The following GPC5 variants were observed in gnomAD, a reference collection of about 807,000 sequenced individuals.
GPC5 encodes the protein glypican 5.
GPC5 carries 47 observed loss-of-function variants against 53.9 expected under a neutral mutation model. The ratio of observed to expected loss-of-function variants is 0.87; its 90% CI spans 0.69 to 1.11. The LOEUF (loss-of-function observed/expected upper bound fraction) is 1.11, where lower values mean the gene tolerates loss of function less well. Among genes scored for constraint, GPC5 ranks in the 50% most tolerant of loss-of-function variants. GPC5 has a pLI of 0.00. For missense variants in GPC5, 748 were observed against 713.1 expected (o/e 1.05, Z -0.56); for synonymous variants, 286 against 263.3 (o/e 1.09, Z -0.84).
chr13:91,485,024 TA>T (rs528927454), intron 2 of GPC5, among the ~76,000 whole-genome samples: 7 of 152,040 alleles, frequency 4.6e-5, no homozygotes, highest in African/African-American at 7.2e-5. Context: ...AAATGCAGAA[TA>T]AAAAAAATGC....
chr13:91,935,810 T>G (rs913464345), intron 6 of GPC5, among the ~76,000 whole-genome samples: 1 of 151,982 alleles, frequency 6.6e-6, no homozygotes, highest in Non-Finnish European at 1.5e-5. Flanking sequence ...GTTTTGACCT[T>G]AAAGGATAAG....
chr13:91,405,069 G>C (rs77269462), intron 1 of GPC5, among the ~76,000 whole-genome samples: 1 of 152,052 alleles, frequency 6.6e-6, no homozygotes, highest in Non-Finnish European at 1.5e-5. Context: ...CACCTTTGTC[G>C]TTAGAACTGT....
intron 2 of GPC5, among the ~76,000 whole-genome samples, chr13:91,457,148 G>A (rs1236159269): frequency 6.6e-6 from 1 of 151,856 alleles, no homozygotes; most frequent in African/African-American, 2.4e-5. Flanking sequence ...CAGCTTTTTT[G>A]ATAGGGCTTT....
chr13:92,767,664 AC>A (rs1222209471), intron 7 of GPC5, among the ~76,000 whole-genome samples: 6 of 152,214 alleles, frequency 3.9e-5, no homozygotes, highest in African/African-American at 9.6e-5. Flanking sequence ...ACTGTTAGTT[AC>A]ACTGACATAC....
intron 7 of GPC5, among the ~76,000 whole-genome samples, chr13:92,754,684 T>C (rs1440601877): frequency 6.6e-6 from 1 of 151,488 alleles, no homozygotes; most frequent in Non-Finnish European, 1.5e-5. Context: ...GCAATCCTAG[T>C]CTCTGATAAA....
chr13:91,903,147 A>C (rs1007331576), intron 5 of GPC5, among the ~76,000 whole-genome samples: 6 of 152,020 alleles, frequency 3.9e-5, no homozygotes, highest in Admixed American at 3.9e-4. Flanking sequence ...GATTTGGAAC[A>C]TAACTGATTC....
At chr13:91,721,787 T>G (rs528195993) in intron 3 of GPC5, among the ~76,000 whole-genome samples, 5 of 152,340 alleles carry the variant, frequency 3.3e-5, no homozygotes, top group African/African-American at 1.2e-4. Context: ...GAACATAACC[T>G]AAATACTACT....
At chr13:92,362,292 A>G (rs964719223) in intron 7 of GPC5, among the ~76,000 whole-genome samples, 8 of 151,772 alleles carry the variant, frequency 5.3e-5, no homozygotes, top group African/African-American at 1.9e-4. Flanking sequence ...TGGATAAAGA[A>G]GCTGGTACAC....
chr13:92,357,911 C>T (rs931433285), intron 7 of GPC5, among the ~76,000 whole-genome samples: 8 of 151,372 alleles, frequency 5.3e-5, no homozygotes, highest in African/African-American at 2.0e-4. Context: ...TCATTCTGCA[C>T]CTGGCCCCTA....
intron 4 of GPC5, among the ~76,000 whole-genome samples, chr13:91,741,516 T>A (rs987026509): frequency 4.6e-5 from 7 of 152,212 alleles, no homozygotes; most frequent in Non-Finnish European, 7.4e-5. Flanking sequence ...TGGGAAAAAA[T>A]TTTAAATGTT....
chr13:91,493,528 C>T lies in GPC5; in HGVS notation c.325+44606C>T, dbSNP rs537653518. The stretch of plus-strand genomic sequence containing the variant: ...CCCTTCCCAGCCTCTGGTAACCAAC[C>T]TTCTACTGTCTATCTCCATGAGTCT... On this transcript the variant is annotated intron_variant, in intron 2 of 7. Transcript: ENST00000377067. 5.3e-5 allele frequency among the ~76,000 whole-genome samples: 8 copies of T among 152,210 alleles called. No homozygotes were observed. In the East Asian group the frequency reaches 9.7e-4, roughly 18 times the overall value.
rs1594155896 is a variant in GPC5, at chr13:92,385,536, A to ATATGCATATATACATG, written c.1561+240562_1561+240563insGTATGCATATATACAT. On this transcript the variant is annotated intron_variant, in intron 7 of 7. Transcript: ENST00000377067. ...TATACATACATATGCATATATACAT[A>ATATGCATATATACATG]TATGCATATATACATATATGCATAT... 7.9e-5 allele frequency among the ~76,000 whole-genome samples: 10 copies of ATATGCATATATACATG among 126,936 alleles called. No homozygotes were observed. In the East Asian group the frequency reaches 1.4e-3, roughly 18 times the overall value. 83.3% of individuals were successfully genotyped at this position (126,936 alleles called of 152,430 possible). A position where few individuals can be genotyped will look rare whatever the true frequency, so the allele number is the denominator to read the frequency against.
chr13:91,839,698 C>T (rs1336188539), intron 5 of GPC5, among the ~76,000 whole-genome samples: 1 of 152,034 alleles, frequency 6.6e-6, no homozygotes, highest in Non-Finnish European at 1.5e-5. Flanking sequence ...ACCCATTATC[C>T]TACTGTGTTG....
intron 7 of GPC5, among the ~76,000 whole-genome samples, chr13:92,615,747 T>G (rs2139105757): frequency 1.3e-5 from 2 of 152,248 alleles, no homozygotes; most frequent in South Asian, 4.1e-4. Flanking sequence ...CCCAAACTTT[T>G]TTGACCAATA....
chr13:91,545,870 T>C (rs1030151917), intron 2 of GPC5, among the ~76,000 whole-genome samples: 1 of 152,148 alleles, frequency 6.6e-6, no homozygotes, highest in African/African-American at 2.4e-5. Flanking sequence ...TTCAGATATA[T>C]TTTTCCTATA....
intron 6 of GPC5, among the ~76,000 whole-genome samples, chr13:92,011,718 T>TA (rs2040663258): frequency 6.6e-6 from 1 of 152,204 alleles, no homozygotes; most frequent in Non-Finnish European, 1.5e-5. Context: ...ATTAAACATT[T>TA]AAAAATCATT....
At chr13:91,959,918 GT>G (rs1359322135) in intron 6 of GPC5, among the ~76,000 whole-genome samples, 1 of 151,808 alleles carries the variant, frequency 6.6e-6, no homozygotes, top group Non-Finnish European at 1.5e-5. Flanking sequence ...CTTTAAGCAA[GT>G]TTTTAACTAG....
chr13:92,827,189 G>C (rs1299633927), intron 7 of GPC5, among the ~76,000 whole-genome samples: 1 of 152,080 alleles, frequency 6.6e-6, no homozygotes, highest in African/African-American at 2.4e-5. Context: ...AATGACACAG[G>C]AGGAATGCAA....
intron 2 of GPC5, among the ~76,000 whole-genome samples, chr13:91,636,059 A>G (rs1042978425): frequency 6.6e-6 from 1 of 152,000 alleles, no homozygotes; most frequent in Admixed American, 6.6e-5. Context: ...ATTTTTATTT[A>G]ACAGCGTTAG....
Sources: allele counts gnomAD v4.1 joint callset (sites outside exome capture counted in the v4.1 genomes callset), GRCh38; gene constraint gnomAD v4.1.1; transcripts MANE v1.5; gene names NCBI Gene and HGNC (gene_info 2026-07-23, HGNC 2026-07-21).